ACAP1: variants seen among roughly 807,000 people sequenced by gnomAD.
ACAP1 encodes ArfGAP with coiled-coil, ankyrin repeat and PH domains 1, also known as arf-GAP with coiled-coil, ANK repeat and PH domain-containing protein 1.
ACAP1 carries 45 observed loss-of-function variants against 98.8 expected under a neutral mutation model. The ratio of observed to expected loss-of-function variants is 0.46; its 90% CI spans 0.36 to 0.58. ACAP1 has a LOEUF of 0.58. ACAP1 is among the 20% of genes least tolerant of loss of function. ACAP1 has a pLI of 0.00. For synonymous variants in ACAP1, 362 were observed against 375.3 expected, an observed-to-expected ratio of 0.96 and a Z score of 0.41; for missense variants, 735 against 971.4, an observed-to-expected ratio of 0.76 and a Z score of 3.24.
At chr17:7,337,159 A>C in intron 1 of ACAP1, 153 bp from the exon 2 acceptor site, 1 of 741,048 alleles carries the variant, frequency 1.3e-6, no homozygotes. Context: ...CAGACTGCAG[A>C]GCGGGCAGAG....
chr17:7,339,558 C>CTCT (rs1378298284), intron 2 of ACAP1, among the ~76,000 whole-genome samples: 3 of 151,678 alleles, frequency 2.0e-5, no homozygotes, highest in African/African-American at 7.3e-5. Flanking sequence ...TGCAGTGAGC[C>CTCT]GAGATCACGC....
At chr17:7,342,644 G>T in intron 5 of ACAP1, 170 bp downstream of exon 5, 1 of 767,124 alleles carries the variant, frequency 1.3e-6, no homozygotes. Flanking sequence ...TCATGCCTAT[G>T]ATCCCGGCAT....
intron 5 of ACAP1, 46 bp downstream of exon 5, chr17:7,342,520 C>G: frequency 6.3e-7 from 1 of 1,593,128 alleles, no homozygotes; most frequent in Non-Finnish European, 8.6e-7. Context: ...AATCCCAACA[C>G]TTTGGAAGGC....
intron 17 of ACAP1, chr17:7,348,781 A>G (rs2073373414): frequency 1.7e-6 from 1 of 590,516 alleles, no homozygotes; most frequent in East Asian, 2.9e-5. Context: ...AGATGAGGTG[A>G]TGATGCCGTC....
chr17:7,350,503 G>T lies in ACAP1; in HGVS notation c.2072+266G>T, dbSNP rs1285463877. 10 of 544,834 alleles carry T rather than the reference G, an allele frequency of 1.8e-5. No homozygotes were observed. The South Asian group carries it at 2.0e-4, about 11-fold the overall frequency. 33.7% of individuals were successfully genotyped at this position (544,834 alleles called of 1,614,324 possible). On this transcript the variant is annotated intron_variant, in intron 20 of 21. Transcript: ENST00000158762. The surrounding 1 kb of genome is among the most constrained non-coding windows in gnomAD (Gnocchi z 4.6). The stretch of plus-strand genomic sequence containing the variant: ...GAGGCGTAATTCGCCCATCAACATT[G>T]CTGTCAGGCATCTTTTTAGCACTAG...
rs752792616 is a variant in ACAP1 at position 7,349,035 on chromosome 17, CCTA to C, written c.1722_1724del (p.Leu575del). 2 of 1,613,880 alleles carry C rather than the reference CCTA, an allele frequency of 1.2e-6. No homozygotes were observed. Among genetic ancestry groups the C allele is most frequent in the Non-Finnish European group, 1.7e-6 (2 of 1,179,986 alleles). On this transcript the variant is annotated inframe_deletion, in exon 18 of 22. Coordinates refer to ENST00000158762, the MANE Select transcript of ACAP1 (RefSeq NM_014716.4). The stretch of plus-strand genomic sequence containing the variant: ...ACCTGGGAAGCCTGCACCCTGGGGC[CCTA>C]CTGTTTCGAGCGTCTGGGCATCCTC...
Position 7,343,574 on chromosome 17 carries a change from A to G in ACAP1, c.528+12A>G. The G allele has an allele frequency of 6.2e-7, 1 of 1,607,106 alleles. No homozygotes were observed. Among genetic ancestry groups the G allele is most frequent in the Non-Finnish European group, 8.5e-7 (1 of 1,175,158 alleles). On this transcript the variant is annotated intron_variant, in intron 6 of 21. Coordinates refer to ENST00000158762, the MANE Select transcript of ACAP1 (RefSeq NM_014716.4). The surrounding 1 kb of genome is among the most constrained non-coding windows in gnomAD (Gnocchi z 4.9). ...ATTATGCCCTGCAGGTGCCTGCCCC[A>G]ATCTGTCTTCCTGGGGTACCAGAGC...
chr17:7,348,999 C>A lies in ACAP1; in HGVS notation c.1683C>A (p.Pro561=), dbSNP rs776046536. Reference sequence around the variant, plus strand: ...AGAACCAAATCCCCCGAACAGAGCCCCCCTCTGAGGACCTGGGAAGCCTGC... The same window carrying A: ...AGAACCAAATCCCCCGAACAGAGCCACCCTCTGAGGACCTGGGAAGCCTGC... ...RPGSLRSKPE[P]PSEDLGSLHP... is the part of the protein sequence containing the mutation. Residue 561 remains proline, a synonymous_variant, in exon 18 of 22, where the codon CCC becomes CCA. Transcript: ENST00000158762. The A allele has an allele frequency of 6.2e-7, 1 of 1,612,812 alleles. No homozygotes were observed. The highest frequency in any genetic ancestry group is 8.5e-7 in the Non-Finnish European group (1 of 1,179,814).
At chr17:7,342,769 A>G (rs373336149) in intron 5 of ACAP1, 15 of 440,194 alleles carry the variant, frequency 3.4e-5, no homozygotes, top group African/African-American at 1.4e-4. Context: ...TTAGCCGGGC[A>G]TGGTGGCAGG....
Position 7,346,309 on chromosome 17 carries a change from G to A in ACAP1, c.906+14G>A, listed in dbSNP as rs2073345522. 6.2e-7 allele frequency: 1 copy of A among 1,614,046 alleles called. No homozygotes were observed. The highest frequency in any genetic ancestry group is 8.5e-7 in the Non-Finnish European group (1 of 1,180,018). On this transcript the variant is annotated intron_variant, in intron 11 of 21. Transcript: ENST00000158762. ...AAGAAGTACAAGGTGAGTGGACCTG[G>A]GTCCTGGATGCCTGGGCCCCAGGGA... is the stretch of plus-strand genomic sequence containing the variant.
chr17:7,343,807 G>T lies in ACAP1; in HGVS notation c.574-54G>T. 1.8e-5 allele frequency: 29 copies of T among 1,613,756 alleles called. No homozygotes were observed. Among genetic ancestry groups the T allele is most frequent in the Non-Finnish European group, 2.3e-5 (27 of 1,179,818 alleles). On this transcript the variant is annotated intron_variant, in intron 7 of 21. Coordinates refer to ENST00000158762, the MANE Select transcript of ACAP1 (RefSeq NM_014716.4). The surrounding 1 kb of genome is among the most constrained non-coding windows in gnomAD (Gnocchi z 4.9). ...AGAAGAGCCTGCTGCCAGCACAAGG[G>T]AATGGGGAGAGGGGTTCTTCCTCAG...
rs752779542 is a variant in ACAP1, at chr17:7,344,008, TG to T, written c.670-35del. 1.9e-6 allele frequency: 3 copies of T among 1,575,908 alleles called. No homozygotes were observed. Among genetic ancestry groups the T allele is most frequent in the East Asian group, 2.4e-5 (1 of 42,434 alleles). On this transcript the variant is annotated intron_variant, in intron 8 of 21. Transcript: ENST00000158762. The surrounding 1 kb of genome is among the most constrained non-coding windows in gnomAD (Gnocchi z 4.9). Reference sequence around the variant, plus strand: ...TAGAGGGAGGTTAGGGACTCCTAACTGGGGGGCCTTGGACATCTGAGATGCC... The same window carrying T: ...TAGAGGGAGGTTAGGGACTCCTAACTGGGGGCCTTGGACATCTGAGATGCC...
rs1484613418 is a variant in ACAP1, at chr17:7,350,804, G to T, written c.2073-146G>T. On this transcript the variant is annotated intron_variant, in intron 20 of 21. Transcript: ENST00000158762. The surrounding 1 kb of genome is among the most constrained non-coding windows in gnomAD (Gnocchi z 4.6). ...TTTTTGTATTTTTAGTAGAGACGGG[G>T]TTTCACCATGTTGGCCAGGACGGTC... is the stretch of plus-strand genomic sequence containing the variant. 5 of 702,232 alleles carry T rather than the reference G, an allele frequency of 7.1e-6. No individual in the cohort carries two copies. The East Asian group carries it at 1.4e-4, about 20-fold the overall frequency. The allele number at this position is 702,232 out of a possible 1,614,324, so 43.5% of individuals were successfully genotyped here. A position where few individuals can be genotyped will look rare whatever the true frequency, so the allele number is the denominator to read the frequency against.
chr17:7,337,779 G>A (rs1179828227), intron 2 of ACAP1, among the ~76,000 whole-genome samples: 1 of 152,136 alleles, frequency 6.6e-6, no homozygotes, highest in Non-Finnish European at 1.5e-5. Context: ...ACTTGAACCT[G>A]GGAGGCGGAG....
Position 7,344,018 on chromosome 17 carries a change from T to G in ACAP1, c.670-31T>G, listed in dbSNP as rs2073323628. 6.3e-7 allele frequency: 1 copy of G among 1,579,656 alleles called. No homozygotes were observed. Among genetic ancestry groups the G allele is most frequent in the East Asian group, 2.3e-5 (1 of 42,714 alleles). On this transcript the variant is annotated intron_variant, in intron 8 of 21. Transcript: ENST00000158762. This position sits in a 1 kb window ranked among gnomAD's most constrained non-coding sequence, Gnocchi z 4.9. Reference sequence around the variant, plus strand: ...TTAGGGACTCCTAACTGGGGGGCCTTGGACATCTGAGATGCCCTTCCTGTG... The same window carrying G: ...TTAGGGACTCCTAACTGGGGGGCCTGGGACATCTGAGATGCCCTTCCTGTG...
chr17:7,340,143 G>A (rs2073261971), intron 2 of ACAP1, among the ~76,000 whole-genome samples: 1 of 151,966 alleles, frequency 6.6e-6, no homozygotes, highest in African/African-American at 2.4e-5. Flanking sequence ...ATGGTGGTGT[G>A]TGCCTGTAGT....
At position 7,343,419 on chromosome 17, in the gene ACAP1, C is replaced by T. The variant is rs1483145837; in HGVS notation, c.385C>T (p.Arg129Trp). 9.9e-6 allele frequency: 16 copies of T among 1,613,472 alleles called. No homozygotes were observed. Among genetic ancestry groups the T allele is most frequent in the South Asian group, 2.2e-5 (2 of 91,042 alleles). Residue 129 changes from arginine to tryptophan, a missense_variant, in exon 6 of 22, where the codon CGG becomes TGG. This residue lies in a region of ACAP1 where 430 missense variants were observed against 531.8 expected (regional missense o/e 0.81). Coordinates refer to ENST00000158762, the MANE Select transcript of ACAP1 (RefSeq NM_014716.4). The surrounding 1 kb of genome is among the most constrained non-coding windows in gnomAD (Gnocchi z 4.9). The stretch of plus-strand genomic sequence containing the variant: ...CCGAGAGGCTCGCCGGGATTTCTGG[C>T]GGGGGGCTGAGAGCCTGGAGGCTGC... ...GFREARRDFW[R>W]GAESLEAALT...
At chr17:7,341,327 A>C (rs1206912635) in intron 2 of ACAP1, among the ~76,000 whole-genome samples, 1 of 151,960 alleles carries the variant, frequency 6.6e-6, no homozygotes, top group Non-Finnish European at 1.5e-5. Flanking sequence ...CTACAGCCTC[A>C]GCCTCCCGGG....
Position 7,342,406 on chromosome 17 carries a change from C to A in ACAP1, c.286-10C>A. 1 of 1,614,150 alleles carries A rather than the reference C, an allele frequency of 6.2e-7. No individual in the cohort carries two copies. The highest frequency in any genetic ancestry group is 8.5e-7 in the Non-Finnish European group (1 of 1,180,002). On this transcript the variant is annotated splice_polypyrimidine_tract_variant and intron_variant, in intron 4 of 21. Coordinates refer to ENST00000158762, the MANE Select transcript of ACAP1 (RefSeq NM_014716.4). Reference sequence around the variant, plus strand: ...CCTGACCCCAGTCTACCAACTTCTCCTTCCCTCAGGAGCTTCTAGATGCCA... The same window carrying A: ...CCTGACCCCAGTCTACCAACTTCTCATTCCCTCAGGAGCTTCTAGATGCCA...
Sources: allele counts gnomAD v4.1 joint callset (sites outside exome capture counted in the v4.1 genomes callset), GRCh38; gene constraint gnomAD v4.1.1; regional missense constraint gnomAD v4.1.1; non-coding constraint Gnocchi (gnomAD v3.1); transcripts MANE v1.5; gene names NCBI Gene and HGNC (gene_info 2026-07-23, HGNC 2026-07-21).